GSE1: variants seen among roughly 807,000 people sequenced by gnomAD.
GSE1 encodes genetic suppressor element 1.
GSE1 carries 32 observed loss-of-function variants against 112.6 expected under a neutral mutation model. The observed-to-expected ratio is 0.28, with a 90% CI of 0.21 to 0.38. The LOEUF is 0.38. Ranked by LOEUF, GSE1 falls within the 10% of genes least tolerant of loss-of-function variation. GSE1 has a pLI of 1.00. For synonymous variants in GSE1, 1,115 were observed against 735.6 expected (o/e 1.52, Z -8.35); for missense variants, 2,348 against 1,699.2 (o/e 1.38, Z -6.71).
chr16:85,413,271 G>A (rs941899354), intron 2 of GSE1, among the ~76,000 whole-genome samples: 2 of 152,190 alleles, frequency 1.3e-5, no homozygotes, highest in Non-Finnish European at 2.9e-5. Context: ...CACGGGGAAC[G>A]AGGTGGGTTG....
chr16:85,481,660 C>T (rs760295517), intron 2 of GSE1, among the ~76,000 whole-genome samples: 28 of 152,188 alleles, frequency 1.8e-4, no homozygotes, highest in Non-Finnish European at 3.4e-4. Flanking sequence ...CTGAGACGAG[C>T]AGGTGGACAC....
intron 2 of GSE1, among the ~76,000 whole-genome samples, chr16:85,391,134 C>G (rs1262476512): frequency 6.6e-6 from 1 of 152,192 alleles, no homozygotes; most frequent in Admixed American, 6.5e-5. Flanking sequence ...CAAGAGAGGG[C>G]TAGGATGGAG....
chr16:85,266,280 G>T (rs752559483), intron 1 of GSE1, among the ~76,000 whole-genome samples: 2 of 152,208 alleles, frequency 1.3e-5, no homozygotes, highest in Non-Finnish European at 2.9e-5. Context: ...GAAAACTCTA[G>T]CAATGAGCGA....
chr16:85,181,927 C>T (rs1349316721), intron 1 of GSE1, among the ~76,000 whole-genome samples: 1 of 152,208 alleles, frequency 6.6e-6, no homozygotes, highest in Admixed American at 6.5e-5. Context: ...TGAGCTGGCG[C>T]GTCCTCCAGG....
intron 1 of GSE1, among the ~76,000 whole-genome samples, chr16:85,213,229 A>G (rs1299124391): frequency 2.0e-5 from 3 of 150,856 alleles, no homozygotes; most frequent in Non-Finnish European, 4.4e-5. Context: ...AGATCACACT[A>G]CTGCACTCCA....
chr16:85,195,022 T>G (rs1406082401), intron 1 of GSE1, among the ~76,000 whole-genome samples: 3 of 151,820 alleles, frequency 2.0e-5, no homozygotes, highest in Admixed American at 6.6e-5. Flanking sequence ...ACTCAGGAGA[T>G]TTGTGAGGTG....
chr16:85,582,710 C>T (rs1198872590), intron 1 of GSE1, among the ~76,000 whole-genome samples: 5 of 152,066 alleles, frequency 3.3e-5, no homozygotes, highest in Admixed American at 1.3e-4. Flanking sequence ...CGGTTCAGGG[C>T]GTCGGGGTGG....
intron 2 of GSE1, among the ~76,000 whole-genome samples, chr16:85,403,888 C>T (rs967974235): frequency 2.0e-5 from 3 of 152,174 alleles, no homozygotes; most frequent in African/African-American, 7.2e-5. Context: ...CAGGGCTGCA[C>T]CCCCTTCAGA....
At chr16:85,659,910 C>T (rs1244767773) in intron 8 of GSE1, among the ~76,000 whole-genome samples, 2 of 152,222 alleles carry the variant, frequency 1.3e-5, no homozygotes, top group Non-Finnish European at 2.9e-5. Flanking sequence ...AGTGGGGTCG[C>T]TGCAGTTGTG....
At chr16:85,325,584 A>T (rs2326522) in intron 1 of GSE1, among the ~76,000 whole-genome samples, 129,804 of 151,452 alleles carry the variant, frequency 0.86, 55,808 homozygotes, top group East Asian at 1. Flanking sequence ...CTGGAATAGC[A>T]GGGACTACAA....
chr16:85,212,723 C>T (rs566052952), intron 1 of GSE1, among the ~76,000 whole-genome samples: 2 of 152,182 alleles, frequency 1.3e-5, no homozygotes, highest in African/African-American at 4.8e-5. Context: ...GCCCCACAGA[C>T]GTCTGTGAGG....
intron 1 of GSE1, among the ~76,000 whole-genome samples, chr16:85,268,748 C>T (rs1006957661): frequency 6.6e-6 from 1 of 152,202 alleles, no homozygotes; most frequent in Non-Finnish European, 1.5e-5. Flanking sequence ...CACCCTCTGC[C>T]TTCCTCGGGG....
chr16:85,235,863 A>C (rs1904585267), intron 1 of GSE1, among the ~76,000 whole-genome samples: 1 of 151,882 alleles, frequency 6.6e-6, no homozygotes, highest in Non-Finnish European at 1.5e-5. Context: ...TTCGCGATGC[A>C]CATCTGGCAG....
intron 2 of GSE1, 132 bp from the exon 3 acceptor site, chr16:85,648,420 A>G (rs1291405386): frequency 3.4e-6 from 2 of 592,950 alleles, no homozygotes; most frequent in African/African-American, 1.9e-5. Flanking sequence ...GTGGGGGCCC[A>G]TGAGGCTGGT....
chr16:85,586,650 A>C (rs1381886731), intron 1 of GSE1, among the ~76,000 whole-genome samples: 5 of 151,934 alleles, frequency 3.3e-5, no homozygotes, highest in Non-Finnish European at 7.4e-5. Context: ...CGCCCCCCCG[A>C]CTGCCGTGCT....
intron 4 of GSE1, 84 bp downstream of exon 4, chr16:85,654,534 C>A: frequency 2.5e-6 from 3 of 1,207,316 alleles, no homozygotes; most frequent in South Asian, 1.4e-5. Context: ...AGCCTGCGGT[C>A]TGCACAGATG....
chr16:85,610,073 G>T (rs917275715), upstream of GSE1, among the ~76,000 whole-genome samples: 2 of 152,238 alleles, frequency 1.3e-5, no homozygotes, highest in African/African-American at 2.4e-5. Flanking sequence ...CCTGAGGCAG[G>T]TGAGGGGCTG....
chr16:85,467,072 G>A (rs1455093763), intron 2 of GSE1, among the ~76,000 whole-genome samples: 1 of 152,212 alleles, frequency 6.6e-6, no homozygotes, highest in Non-Finnish European at 1.5e-5. Flanking sequence ...AAAGGAAGAG[G>A]CCAGGTAGGA....
At chr16:85,257,925 C>A (rs908990983) in intron 1 of GSE1, among the ~76,000 whole-genome samples, 2 of 152,226 alleles carry the variant, frequency 1.3e-5, no homozygotes, top group African/African-American at 4.8e-5. Flanking sequence ...TAAACTGAGG[C>A]CCCTCACCTG....
Sources: gnomAD v4.1 joint callset for allele counts (sites outside exome capture counted in the v4.1 genomes callset) on GRCh38, gnomAD v4.1.1 for gene constraint, MANE v1.5 for transcripts, NCBI Gene and HGNC (gene_info 2026-07-23, HGNC 2026-07-21) for gene names.